SPDYE10: variants seen among roughly 807,000 people sequenced by gnomAD.
The protein encoded by SPDYE10 is speedy protein E10.
the SPDYE10 span, among the ~76,000 whole-genome samples, chr7:73,114,809 G>T: frequency 6.7e-6 from 1 of 149,862 alleles, no homozygotes; most frequent in Non-Finnish European, 1.5e-5. Context: ...AAGTGCTGGG[G>T]TTACAGGTTG....
chr7:73,152,016 G>T, the SPDYE10 span, among the ~76,000 whole-genome samples: 1 of 150,514 alleles, frequency 6.6e-6, no homozygotes, highest in African/African-American at 2.5e-5. Context: ...TTTGTTTTTT[G>T]TGTTTTTTTT....
chr7:73,115,216 G>A, the SPDYE10 span, among the ~76,000 whole-genome samples: 9 of 152,096 alleles, frequency 5.9e-5, no homozygotes, highest in Admixed American at 2.6e-4. Context: ...TCTTACGTTT[G>A]GTCACCTGGT....
the SPDYE10 span, among the ~76,000 whole-genome samples, chr7:73,131,397 G>A: frequency 6.6e-6 from 1 of 151,012 alleles, no homozygotes; most frequent in Non-Finnish European, 1.5e-5. Context: ...GATATTGGGA[G>A]AAGGAGTTCC....
At chr7:73,113,986 A>G in the SPDYE10 span, among the ~76,000 whole-genome samples, 1 of 145,120 alleles carries the variant, frequency 6.9e-6, no homozygotes, top group Non-Finnish European at 1.5e-5. Context: ...AGATCATACC[A>G]TTTGCACTGT....
chr7:73,138,136 G>T, the SPDYE10 span, among the ~76,000 whole-genome samples: 1 of 152,254 alleles, frequency 6.6e-6, no homozygotes, highest in Non-Finnish European at 1.5e-5. Context: ...AGCTGGGGTG[G>T]GTAATCCATT....
At chr7:73,150,948 A>ATT in the SPDYE10 span, among the ~76,000 whole-genome samples, 61 of 4,944 alleles carry the variant, frequency 0.012, 7 homozygotes, top group African/African-American at 0.016. Flanking sequence ...ATATATATAT[A>ATT]TTTTTTTTTT....
chr7:73,123,788 C>CTCTCCCTCTCT, the SPDYE10 span, among the ~76,000 whole-genome samples: 2 of 97,458 alleles, frequency 2.1e-5, no homozygotes, highest in Non-Finnish European at 3.7e-5. Context: ...TCTCTCTCTC[C>CTCTCCCTCTCT]CTCTCTCTCT....
the SPDYE10 span, among the ~76,000 whole-genome samples, chr7:73,123,186 A>G: frequency 1.3e-5 from 2 of 152,226 alleles, no homozygotes; most frequent in Admixed American, 6.5e-5. Context: ...GGCCCAGGTG[A>G]GACATTCGGT....
the SPDYE10 span, among the ~76,000 whole-genome samples, chr7:73,135,288 C>T: frequency 5.3e-5 from 8 of 151,506 alleles, no homozygotes; most frequent in African/African-American, 2.0e-4. Flanking sequence ...AAGGAGAAGC[C>T]CTGGACACAC....
chr7:73,132,713 G>A, the SPDYE10 span, among the ~76,000 whole-genome samples: 16 of 151,600 alleles, frequency 1.1e-4, no homozygotes, highest in African/African-American at 3.2e-4. Context: ...AAAGTGCTTC[G>A]TTATCTCATT....
the SPDYE10 span, among the ~76,000 whole-genome samples, chr7:73,130,268 A>T: frequency 0.092 from 11,944 of 129,946 alleles, 8 homozygotes; most frequent in Middle Eastern, 0.17. Flanking sequence ...AGCCTGGGCA[A>T]CATGTTGAAA....
the SPDYE10 span, among the ~76,000 whole-genome samples, chr7:73,107,536 G>C: frequency 8.1e-5 from 3 of 37,062 alleles, no homozygotes; most frequent in African/African-American, 2.8e-4. Flanking sequence ...TGGGAGGATC[G>C]CTTGAGCCCA....
chr7:73,114,629 C>T, the SPDYE10 span, among the ~76,000 whole-genome samples: 4 of 142,472 alleles, frequency 2.8e-5, no homozygotes, highest in Non-Finnish European at 4.6e-5. Context: ...CTCCGCCTCC[C>T]GGGTTCGAGC....
At chr7:73,134,937 AGAG>A in the SPDYE10 span, among the ~76,000 whole-genome samples, 5 of 152,172 alleles carry the variant, frequency 3.3e-5, no homozygotes, top group Non-Finnish European at 5.9e-5. Context: ...AGTGGGGAGG[AGAG>A]GAGAAGAGGC....
the SPDYE10 span, among the ~76,000 whole-genome samples, chr7:73,125,197 T>C: frequency 6.8e-6 from 1 of 146,120 alleles, no homozygotes; most frequent in Non-Finnish European, 1.5e-5. Flanking sequence ...TCTCTCTCCA[T>C]CCACGCTGCT....
chr7:73,135,483 G>A, the SPDYE10 span, among the ~76,000 whole-genome samples: 1 of 145,280 alleles, frequency 6.9e-6, no homozygotes, highest in African/African-American at 2.6e-5. Flanking sequence ...GCCAGGAAGA[G>A]CATTGAGGCT....
chr7:73,123,404 T>C, the SPDYE10 span, among the ~76,000 whole-genome samples: 2 of 152,184 alleles, frequency 1.3e-5, no homozygotes, highest in African/African-American at 4.8e-5. Context: ...CCCACCAGGT[T>C]TAAGCTCAAT....
the SPDYE10 span, among the ~76,000 whole-genome samples, chr7:73,150,949 T>TA: frequency 1.5e-3 from 13 of 8,576 alleles, no homozygotes; most frequent in African/African-American, 3.1e-3. Flanking sequence ...TATATATATA[T>TA]TTTTTTTTTT....
the SPDYE10 span, among the ~76,000 whole-genome samples, chr7:73,130,600 A>G: frequency 2.0e-5 from 3 of 152,296 alleles, no homozygotes; most frequent in Non-Finnish European, 4.4e-5. Flanking sequence ...GATTACAGGC[A>G]TGTGCCACCA....
Sources: gnomAD v4.1 joint callset for allele counts (sites outside exome capture counted in the v4.1 genomes callset) on GRCh38, gnomAD v4.1.1 for gene constraint, MANE v1.5 for transcripts, NCBI Gene and HGNC (gene_info 2026-07-23, HGNC 2026-07-21) for gene names.